Variants in GPBP1 observed in about 807,000 individuals in gnomAD.
GPBP1 encodes the protein vasculin.
GPBP1 carries 13 observed loss-of-function variants against 56.5 expected under a neutral mutation model. That is an observed-to-expected ratio of 0.23 (90% CI 0.15 to 0.37). The LOEUF is 0.37. GPBP1 is among the 10% of genes least tolerant of loss of function. GPBP1 has a pLI of 1.00. For synonymous variants in GPBP1, 204 were observed against 188.9 expected, an observed-to-expected ratio of 1.08 and a Z score of -0.66; for missense variants, 477 against 572.3, an observed-to-expected ratio of 0.83 and a Z score of 1.70.
chr5:57,258,935 A>C lies in GPBP1; in HGVS notation c.1161-2245A>C, dbSNP rs1377483976. 2.6e-5 allele frequency among the ~76,000 whole-genome samples: 4 copies of C among 152,254 alleles called. No homozygotes were observed. In the East Asian group the frequency reaches 7.7e-4, roughly 29 times the overall value. ...AGTTACGATTCAGTTTTTAAAAGTA[A>C]AACAGATAAAAGTTTGGATCCAGCA... On this transcript the variant is annotated intron_variant, in intron 10 of 11. Transcript: ENST00000506184.
At chr5:57,213,064 AT>A (rs1554065627) in intron 2 of GPBP1, among the ~76,000 whole-genome samples, 3 of 142,244 alleles carry the variant, frequency 2.1e-5, no homozygotes, top group Non-Finnish European at 4.7e-5. Flanking sequence ...TTTTTTTATT[AT>A]TTTTTTCAGA....
intron 3 of GPBP1, among the ~76,000 whole-genome samples, chr5:57,224,424 G>T (rs1403948565): frequency 6.6e-6 from 1 of 151,672 alleles, no homozygotes; most frequent in Non-Finnish European, 1.5e-5. Flanking sequence ...TGTATTTTTA[G>T]TAGAGACGGG....
At chr5:57,200,437 G>T (rs937775416) in intron 2 of GPBP1, among the ~76,000 whole-genome samples, 1 of 141,910 alleles carries the variant, frequency 7.0e-6, no homozygotes, top group African/African-American at 2.7e-5. Context: ...GCACGATCTC[G>T]GCTCACTGCC....
intron 3 of GPBP1, among the ~76,000 whole-genome samples, chr5:57,223,715 T>C (rs1282805181): frequency 6.6e-6 from 1 of 151,398 alleles, no homozygotes; most frequent in Non-Finnish European, 1.5e-5. Flanking sequence ...CTGGGTATAA[T>C]TGGTATAAAA....
chr5:57,230,818 A>G (rs747642229), intron 3 of GPBP1, 28 bp from the exon 4 acceptor site: 2 of 1,574,938 alleles, frequency 1.3e-6, no homozygotes, highest in Admixed American at 1.9e-5. Flanking sequence ...GGTTTCATAA[A>G]TACCTGTATT....
chr5:57,229,941 G>GCGTCCTGTCCCGTCC (rs1554070400), intron 3 of GPBP1, among the ~76,000 whole-genome samples: 1 of 146,078 alleles, frequency 6.8e-6, no homozygotes, highest in Non-Finnish European at 1.5e-5. Flanking sequence ...GCATCGCATC[G>GCGTCCTGTCCCGTCC]CGTCCCGTCC....
chr5:57,253,103 T>A (rs536666854), intron 10 of GPBP1, among the ~76,000 whole-genome samples: 7 of 152,336 alleles, frequency 4.6e-5, no homozygotes, highest in African/African-American at 1.7e-4. Flanking sequence ...GTCTTAGAAT[T>A]GAAGAGTATT....
At chr5:57,254,500 G>T (rs138740169) in intron 10 of GPBP1, among the ~76,000 whole-genome samples, 11,549 of 152,140 alleles carry the variant, frequency 0.076, 619 homozygotes, top group South Asian at 0.13. Context: ...TTCAAGACCA[G>T]CCTGGCCAAC....
In GPBP1 at chr5:57,219,430, A is replaced by C. The variant is rs1349355456; in HGVS notation, c.63+5237A>C. On this transcript the variant is annotated intron_variant, in intron 3 of 11. Transcript: ENST00000506184. ...CAAAAACAAACAAACAAAAAAAAAA[A>C]CAACAAAACCACACACACAAAAAAC... Among the ~76,000 whole-genome samples the C allele has an allele frequency of 1.1e-4, 16 of 146,472 alleles. 1 individual carries two copies. In the East Asian group the frequency reaches 2.0e-3, roughly 19 times the overall value.
In GPBP1 at chr5:57,213,225, T is replaced by C. The variant is rs530638597; in HGVS notation, c.-57-849T>C. 5.2e-4 allele frequency among the ~76,000 whole-genome samples: 79 copies of C among 152,076 alleles called. 1 individual carries two copies. The highest frequency in any genetic ancestry group is 1.9e-3 in the African/African-American group (79 of 41,524). ...CCACCACCATGCCCAGCTAATTTTT[T>C]ATTTTAGTAGAGATGGGGTTTCACC... is the stretch of plus-strand genomic sequence containing the variant. On this transcript the variant is annotated intron_variant, in intron 2 of 11. Transcript: ENST00000506184.
chr5:57,246,040 A>G, intron 6 of GPBP1: 1 of 298,734 alleles, frequency 3.3e-6, no homozygotes, highest in Admixed American at 4.8e-5. Flanking sequence ...TGGTTTTAAC[A>G]TTCTGAGCCA....
intron 2 of GPBP1, among the ~76,000 whole-genome samples, chr5:57,202,748 G>A (rs958233607): frequency 6.6e-6 from 1 of 152,226 alleles, no homozygotes; most frequent in African/African-American, 2.4e-5. Context: ...TAGATTGTAA[G>A]CTGTTAGAGG....
chr5:57,183,182 A>G (rs1754134531), intron 2 of GPBP1, among the ~76,000 whole-genome samples: 2 of 151,972 alleles, frequency 1.3e-5, no homozygotes, highest in South Asian at 4.1e-4. Flanking sequence ...CCTGACCAAC[A>G]TGGCGAAACC....
At chr5:57,258,496 T>C (rs1483741481) in intron 10 of GPBP1, among the ~76,000 whole-genome samples, 1 of 152,220 alleles carries the variant, frequency 6.6e-6, no homozygotes. Context: ...TCTAAGCATA[T>C]CTAAACATAT....
intron 10 of GPBP1, among the ~76,000 whole-genome samples, chr5:57,258,046 A>G (rs1741740308): frequency 6.6e-6 from 1 of 152,196 alleles, no homozygotes; most frequent in Non-Finnish European, 1.5e-5. Context: ...GATTTTCTCT[A>G]CTGAGGAATT....
At chr5:57,261,097 C>A in intron 10 of GPBP1, 83 bp from the exon 11 acceptor site, 1 of 870,804 alleles carries the variant, frequency 1.1e-6, no homozygotes. Context: ...CCTGGTGGAT[C>A]ATGTTTTCTT....
rs1756653259 is a variant in GPBP1, at chr5:57,236,136, C to A, written c.478+104C>A. ...AGAGAGCAGGCTAGAATAAAACTTT[C>A]TTTTTAAAGTATTTGTATTTGATGT... On this transcript the variant is annotated intron_variant, in intron 6 of 11. Coordinates refer to ENST00000506184, the MANE Select transcript of GPBP1 (RefSeq NM_022913.4). 2.7e-5 allele frequency: 20 copies of A among 732,980 alleles called. No homozygotes were observed. In the South Asian group the frequency reaches 2.9e-4, roughly 11 times the overall value. 45.4% of individuals were successfully genotyped at this position (732,980 alleles called of 1,614,324 possible).
chr5:57,190,694 C>CT (rs773540051), intron 2 of GPBP1, among the ~76,000 whole-genome samples: 4,009 of 68,868 alleles, frequency 0.058, 1,265 homozygotes, highest in Non-Finnish European at 0.076. Flanking sequence ...TTGCTGTTAG[C>CT]TTTTTTTTTT....
At chr5:57,183,579 A>G (rs532953346) in intron 2 of GPBP1, among the ~76,000 whole-genome samples, 2 of 151,864 alleles carry the variant, frequency 1.3e-5, no homozygotes, top group Non-Finnish European at 2.9e-5. Context: ...GGAATTTAAG[A>G]TGTCAGTGAG....
Sources: gnomAD v4.1 joint callset for allele counts (sites outside exome capture counted in the v4.1 genomes callset) on GRCh38, gnomAD v4.1.1 for gene constraint, MANE v1.5 for transcripts, NCBI Gene and HGNC (gene_info 2026-07-23, HGNC 2026-07-21) for gene names.